The following HS3ST2 variants were observed in gnomAD, a reference collection of about 807,000 sequenced individuals.
The protein encoded by HS3ST2 is heparan sulfate-glucosamine 3-sulfotransferase 2, also known as heparan sulfate glucosamine 3-O-sulfotransferase 2.
A neutral mutation model predicts 26.3 loss-of-function variants in HS3ST2; 17 were observed. The observed-to-expected ratio is 0.65, with a 90% confidence interval of 0.44 to 0.97. HS3ST2 has a LOEUF of 0.97. Among genes scored for constraint, HS3ST2 ranks in the 50% least tolerant of loss-of-function variants. The pLI is 0.00. For synonymous variants in HS3ST2, 237 were observed against 219.2 expected, an observed-to-expected ratio of 1.08 and a Z score of -0.72; for missense variants, 402 against 501.2, an observed-to-expected ratio of 0.80 and a Z score of 1.89.
At chr16:22,898,892 C>T (rs1902244113) in intron 1 of HS3ST2, among the ~76,000 whole-genome samples, 1 of 152,146 alleles carries the variant, frequency 6.6e-6, no homozygotes, top group South Asian at 2.1e-4. Flanking sequence ...GGTACGACAA[C>T]AACATTCGGG....
At chr16:22,899,709 G>A (rs975575327) in intron 1 of HS3ST2, among the ~76,000 whole-genome samples, 2 of 152,182 alleles carry the variant, frequency 1.3e-5, no homozygotes, top group South Asian at 2.1e-4. Flanking sequence ...GCAAAAACAC[G>A]TCTTACATGG....
chr16:22,890,245 A>C (rs1343551375), intron 1 of HS3ST2, among the ~76,000 whole-genome samples: 2 of 152,228 alleles, frequency 1.3e-5, no homozygotes, highest in Admixed American at 1.3e-4. Context: ...TAATAATCAC[A>C]TTAATAATCA....
At chr16:22,863,886 T>A (rs1022160192) in intron 1 of HS3ST2, among the ~76,000 whole-genome samples, 2 of 152,238 alleles carry the variant, frequency 1.3e-5, no homozygotes, top group African/African-American at 4.8e-5. Flanking sequence ...GCTCCACAGT[T>A]CCTTCCCGTG....
At chr16:22,837,969 G>A (rs1400592799) in intron 1 of HS3ST2, among the ~76,000 whole-genome samples, 1 of 151,858 alleles carries the variant, frequency 6.6e-6, no homozygotes, top group African/African-American at 2.4e-5. Flanking sequence ...AGAGGTACTG[G>A]TTTTCCACTT....
At chr16:22,884,987 C>T (rs548212222) in intron 1 of HS3ST2, among the ~76,000 whole-genome samples, 2 of 151,758 alleles carry the variant, frequency 1.3e-5, no homozygotes, top group Admixed American at 6.6e-5. Flanking sequence ...GTCACAGACA[C>T]GTGCCACCAC....
chr16:22,869,710 C>A (rs1901806245), intron 1 of HS3ST2, among the ~76,000 whole-genome samples: 1 of 152,204 alleles, frequency 6.6e-6, no homozygotes, highest in Admixed American at 6.5e-5. Flanking sequence ...AATTCAATCA[C>A]CTCCCACTGG....
Position 22,847,269 on chromosome 16 carries a change from A to G in HS3ST2, c.485+32174A>G, listed in dbSNP as rs1419350081. On this transcript the variant is annotated intron_variant, in intron 1 of 1. Coordinates refer to ENST00000261374, the MANE Select transcript of HS3ST2 (RefSeq NM_006043.2). ...CTGTTCCTGCATTCGTTTGCTAAGA[A>G]TGATGGCCGTCAGCTCCATCCATGT... is the stretch of plus-strand genomic sequence containing the variant. Among the ~76,000 whole-genome samples the G allele has an allele frequency of 3.3e-5, 5 of 152,162 alleles. No individual in the cohort carries two copies. In the East Asian group the frequency reaches 9.6e-4, roughly 29 times the overall value.
At chr16:22,902,679 G>A (rs1902295797) in intron 1 of HS3ST2, among the ~76,000 whole-genome samples, 4 of 152,178 alleles carry the variant, frequency 2.6e-5, no homozygotes, top group Admixed American at 2.6e-4. Flanking sequence ...GAGAGTGTTA[G>A]TTCTTCACAT....
At chr16:22,858,654 C>T (rs757122927) in intron 1 of HS3ST2, among the ~76,000 whole-genome samples, 3 of 152,038 alleles carry the variant, frequency 2.0e-5, no homozygotes, top group African/African-American at 7.2e-5. Flanking sequence ...GACAAACTTG[C>T]AGCTAGACAG....
chr16:22,907,875 C>T (rs2141747293), intron 1 of HS3ST2, among the ~76,000 whole-genome samples: 1 of 152,286 alleles, frequency 6.6e-6, no homozygotes, highest in South Asian at 2.1e-4. Context: ...CAGTGGCTCA[C>T]ACCTGTAATC....
At chr16:22,886,526 G>A (rs945106183) in intron 1 of HS3ST2, among the ~76,000 whole-genome samples, 1 of 152,174 alleles carries the variant, frequency 6.6e-6, no homozygotes, top group African/African-American at 2.4e-5. Flanking sequence ...GTGAAGACTT[G>A]ATTTCACCTC....
intron 1 of HS3ST2, among the ~76,000 whole-genome samples, chr16:22,880,140 G>A (rs187312807): frequency 0.01 from 1,536 of 152,252 alleles, 33 homozygotes; most frequent in African/African-American, 0.035. Flanking sequence ...AAAGTGTGGG[G>A]GCCGGGAGTA....
In HS3ST2 at chr16:22,910,037, C is replaced by CAAAAAA. The variant is rs774757407; in HGVS notation, c.486-4895_486-4890dup. Among the ~76,000 whole-genome samples the CAAAAAA allele has an allele frequency of 9.3e-5, 9 of 97,036 alleles. No individual in the cohort carries two copies. In the East Asian group the frequency reaches 1.4e-3, roughly 15 times the overall value. The allele number at this position is 97,036 out of a possible 152,430, so 63.7% of individuals were successfully genotyped here. On this transcript the variant is annotated intron_variant, in intron 1 of 1. Coordinates refer to ENST00000261374, the MANE Select transcript of HS3ST2 (RefSeq NM_006043.2). ...GGGCAACAAGAGCAAAACTCCATCT[C>CAAAAAA]AAAAAAAAAAAAAAAAAGAAAGAAA...
At chr16:22,900,143 G>C (rs2141204081) in intron 1 of HS3ST2, among the ~76,000 whole-genome samples, 1 of 152,286 alleles carries the variant, frequency 6.6e-6, no homozygotes, top group African/African-American at 2.4e-5. Flanking sequence ...CTCTGGAGGT[G>C]GTGGCTCCAA....
chr16:22,906,159 T>G (rs1404467221), intron 1 of HS3ST2, among the ~76,000 whole-genome samples: 2 of 151,854 alleles, frequency 1.3e-5, no homozygotes, highest in Non-Finnish European at 2.9e-5. Flanking sequence ...GATCACGAGG[T>G]GAAGAGATCG....
intron 1 of HS3ST2, among the ~76,000 whole-genome samples, chr16:22,826,036 T>A (rs1416341995): frequency 6.6e-6 from 1 of 151,806 alleles, no homozygotes; most frequent in Non-Finnish European, 1.5e-5. Context: ...GAAAAAAAAA[T>A]GTTGTTTCAG....
intron 1 of HS3ST2, among the ~76,000 whole-genome samples, chr16:22,900,699 G>A (rs1902272367): frequency 6.6e-6 from 1 of 152,100 alleles, no homozygotes; most frequent in Non-Finnish European, 1.5e-5. Flanking sequence ...GAAAGAATGT[G>A]TTCCCAAAGG....
intron 1 of HS3ST2, among the ~76,000 whole-genome samples, chr16:22,863,942 A>T (rs140858102): frequency 1.3e-5 from 2 of 152,356 alleles, no homozygotes; most frequent in East Asian, 3.9e-4. Flanking sequence ...CCCTATCCTC[A>T]AGTTCGAGTG....
rs1354413278 is a variant in HS3ST2 at position 22,911,573 on chromosome 16, T to C, written c.486-3371T>C. On this transcript the variant is annotated intron_variant, in intron 1 of 1. Coordinates refer to ENST00000261374, the MANE Select transcript of HS3ST2 (RefSeq NM_006043.2). ...TTCCTTCTGACTGCTCTGAGAAGAATCTGCCCTGTGCCTCTCTCCTAGCTT... is the reference window on the plus strand; with the variant it reads ...TTCCTTCTGACTGCTCTGAGAAGAACCTGCCCTGTGCCTCTCTCCTAGCTT... Among the ~76,000 whole-genome samples the C allele has an allele frequency of 2.0e-5, 3 of 152,210 alleles. No homozygotes were observed. The East Asian group carries it at 5.8e-4, about 29-fold the overall frequency.
Sources: allele counts gnomAD v4.1 joint callset (sites outside exome capture counted in the v4.1 genomes callset), GRCh38; gene constraint gnomAD v4.1.1; transcripts MANE v1.5; gene names NCBI Gene and HGNC (gene_info 2026-07-23, HGNC 2026-07-21).